CCBE1: variants seen among roughly 807,000 people sequenced by gnomAD.
CCBE1 encodes the protein collagen and calcium binding EGF domains 1.
Under a neutral mutation model 50.0 loss-of-function variants are expected in CCBE1, and 37 were observed. The ratio of observed to expected loss-of-function variants is 0.74; its 90% CI spans 0.57 to 0.97. The LOEUF is 0.97. Among genes scored for constraint, CCBE1 ranks in the 50% least tolerant of loss-of-function variants. CCBE1 has a pLI of 0.00. For missense variants in CCBE1, 538 were observed against 523.8 expected, an observed-to-expected ratio of 1.03 and a Z score of -0.26; for synonymous variants, 234 against 203.7, an observed-to-expected ratio of 1.15 and a Z score of -1.27.
chr18:59,690,417 C>A (rs1168980975), intron 2 of CCBE1, among the ~76,000 whole-genome samples: 3 of 152,168 alleles, frequency 2.0e-5, no homozygotes, highest in Non-Finnish European at 2.9e-5. Flanking sequence ...CTCAACAATG[C>A]CTTAAATGCC....
At chr18:59,472,005 A>G (rs537943359) in intron 3 of CCBE1, among the ~76,000 whole-genome samples, 6 of 152,360 alleles carry the variant, frequency 3.9e-5, no homozygotes, top group African/African-American at 9.6e-5. Context: ...TCTACCAAAA[A>G]GAAAACAGTA....
intron 2 of CCBE1, among the ~76,000 whole-genome samples, chr18:59,483,889 T>A (rs546959969): frequency 6.6e-6 from 1 of 152,304 alleles, no homozygotes; most frequent in African/African-American, 2.4e-5. Context: ...CCAGCATAGA[T>A]TAATTTGACA....
chr18:59,535,900 C>G (rs1165610670), intron 2 of CCBE1, among the ~76,000 whole-genome samples: 2 of 152,142 alleles, frequency 1.3e-5, no homozygotes, highest in African/African-American at 2.4e-5. Context: ...GTTGCCCAAG[C>G]TGGTCTTGAA....
chr18:59,557,769 G>A (rs542693950), intron 2 of CCBE1, among the ~76,000 whole-genome samples: 1 of 152,152 alleles, frequency 6.6e-6, no homozygotes, highest in Admixed American at 6.5e-5. Context: ...CCACTCTGTG[G>A]AGTGTACTTT....
chr18:59,606,664 A>G (rs969359875), intron 2 of CCBE1, among the ~76,000 whole-genome samples: 3 of 152,190 alleles, frequency 2.0e-5, no homozygotes, highest in African/African-American at 7.2e-5. Flanking sequence ...TGGAGGCTGT[A>G]TCTTAATCTT....
At chr18:59,613,514 T>G (rs975146294) in intron 2 of CCBE1, among the ~76,000 whole-genome samples, 46 of 152,260 alleles carry the variant, frequency 3.0e-4, no homozygotes, top group Non-Finnish European at 3.5e-4. Context: ...ACTTACAAAT[T>G]ACACTCAATG....
At chr18:59,598,931 G>A (rs1438658869) in intron 2 of CCBE1, among the ~76,000 whole-genome samples, 1 of 152,190 alleles carries the variant, frequency 6.6e-6, no homozygotes, top group African/African-American at 2.4e-5. Flanking sequence ...AGTCAACACA[G>A]AGGTGGGCAG....
chr18:59,527,819 T>C (rs906995746), intron 2 of CCBE1, among the ~76,000 whole-genome samples: 3 of 152,240 alleles, frequency 2.0e-5, no homozygotes, highest in African/African-American at 7.2e-5. Context: ...TAATCTCTTC[T>C]GGCTTGTAGG....
chr18:59,469,371 C>T, intron 4 of CCBE1, 102 bp downstream of exon 4: 2 of 1,485,042 alleles, frequency 1.3e-6, no homozygotes, highest in South Asian at 1.1e-5. Context: ...TCAAACACAA[C>T]TCCATCCAAC....
chr18:59,631,420 C>G (rs754879559), intron 2 of CCBE1, among the ~76,000 whole-genome samples: 3 of 152,086 alleles, frequency 2.0e-5, no homozygotes, highest in African/African-American at 7.2e-5. Context: ...CACTTGCTAC[C>G]GAGAGTGCCG....
intron 2 of CCBE1, among the ~76,000 whole-genome samples, chr18:59,658,401 ATATATATATATAT>A (rs2054232854): frequency 3.5e-5 from 2 of 57,726 alleles, no homozygotes; most frequent in African/African-American, 6.5e-5. Context: ...ATATATATAT[ATATATATATATAT>A]ATAAAGTTAG....
intron 2 of CCBE1, among the ~76,000 whole-genome samples, chr18:59,647,547 A>C (rs1191195549): frequency 6.6e-6 from 1 of 152,188 alleles, no homozygotes; most frequent in Non-Finnish European, 1.5e-5. Context: ...TATTCCTAAC[A>C]ACTGGGTTGG....
chr18:59,482,872 G>C (rs1346248323), intron 2 of CCBE1, among the ~76,000 whole-genome samples: 1 of 151,774 alleles, frequency 6.6e-6, no homozygotes, highest in Non-Finnish European at 1.5e-5. Context: ...TGACTATAAA[G>C]GTTAAATTAC....
intron 3 of CCBE1, among the ~76,000 whole-genome samples, chr18:59,475,484 C>A (rs1011705148): frequency 2.6e-5 from 4 of 152,172 alleles, no homozygotes; most frequent in Admixed American, 6.5e-5. Flanking sequence ...TTTCTTCACC[C>A]CTTATTCACA....
In CCBE1 at chr18:59,590,873, C is replaced by A. The variant is rs183519592; in HGVS notation, c.212+105756G>T. ...TACATAAGAATAACCTTCAAAGGAT[C>A]TGAGGTGTAAGTGTGAAAATTTAAA... On this transcript the variant is annotated intron_variant, in intron 2 of 10. Coordinates refer to ENST00000439986, the MANE Select transcript of CCBE1 (RefSeq NM_133459.4). Among the ~76,000 whole-genome samples the A allele has an allele frequency of 2.1e-3, 316 of 151,986 alleles. 4 individuals are homozygous for A. In the East Asian group the frequency reaches 0.032, roughly 15 times the overall value.
intron 2 of CCBE1, among the ~76,000 whole-genome samples, chr18:59,486,892 C>T (rs655663): frequency 0.35 from 53,623 of 151,234 alleles, 9,723 homozygotes; most frequent in East Asian, 0.55. Flanking sequence ...TATTTATTTA[C>T]GTGTAAGCTT....
At chr18:59,564,721 G>C (rs1046938024) in intron 2 of CCBE1, among the ~76,000 whole-genome samples, 3 of 152,238 alleles carry the variant, frequency 2.0e-5, no homozygotes, top group African/African-American at 7.2e-5. Context: ...CAGCTGGAAT[G>C]AAGACGATGA....
intron 2 of CCBE1, among the ~76,000 whole-genome samples, chr18:59,500,400 A>C (rs1913562405): frequency 6.6e-6 from 1 of 152,202 alleles, no homozygotes; most frequent in Non-Finnish European, 1.5e-5. Flanking sequence ...AGGTCTTGGC[A>C]GTTTCCCTTT....
intron 7 of CCBE1, among the ~76,000 whole-genome samples, chr18:59,441,845 A>C (rs1205817692): frequency 2.0e-5 from 3 of 152,208 alleles, no homozygotes; most frequent in Admixed American, 1.3e-4. Flanking sequence ...AAGCATCCAA[A>C]AGAGGTGAGA....
Sources: gnomAD v4.1 joint callset for allele counts (sites outside exome capture counted in the v4.1 genomes callset) on GRCh38, gnomAD v4.1.1 for gene constraint, MANE v1.5 for transcripts, NCBI Gene and HGNC (gene_info 2026-07-23, HGNC 2026-07-21) for gene names.